The following AUTS2 variants were observed in gnomAD, a reference collection of about 807,000 sequenced individuals.
AUTS2 encodes autism susceptibility gene 2 protein.
Under a neutral mutation model 112.4 loss-of-function variants are expected in AUTS2, and 17 were observed. That is an observed-to-expected ratio of 0.15 (90% confidence interval 0.10 to 0.23). The LOEUF (loss-of-function observed/expected upper bound fraction) is 0.23. Ranked by LOEUF, AUTS2 falls within the 10% of genes least tolerant of loss-of-function variation. The pLI is 1.00. For synonymous variants in AUTS2, 751 were observed against 702.7 expected (o/e 1.07, Z -1.09); for missense variants, 1,510 against 1,701.6 (o/e 0.89, Z 1.98).
At chr7:70,671,852 A>G (rs1045830296) in intron 5 of AUTS2, among the ~76,000 whole-genome samples, 2 of 152,204 alleles carry the variant, frequency 1.3e-5, no homozygotes, top group South Asian at 2.1e-4. Context: ...CCTGTTTGCA[A>G]CCTTTGCTTA....
At chr7:70,166,989 T>C (rs1020581221) in intron 4 of AUTS2, among the ~76,000 whole-genome samples, 5 of 152,136 alleles carry the variant, frequency 3.3e-5, no homozygotes, top group African/African-American at 1.2e-4. Flanking sequence ...CTGAGCACTT[T>C]AGAAGTCGGC....
chr7:70,674,169 G>A (rs900290298), intron 5 of AUTS2, among the ~76,000 whole-genome samples: 1 of 152,212 alleles, frequency 6.6e-6, no homozygotes, highest in African/African-American at 2.4e-5. Context: ...TGCTAAAGGG[G>A]CGGTGGGGGA....
At chr7:70,326,917 CTTTTT>C (rs552893729) in intron 4 of AUTS2, among the ~76,000 whole-genome samples, 1 of 120,684 alleles carries the variant, frequency 8.3e-6, no homozygotes, top group Non-Finnish European at 1.6e-5. Context: ...ATGCTTGGTT[CTTTTT>C]TTTTTTTTTT....
intron 4 of AUTS2, among the ~76,000 whole-genome samples, chr7:70,355,015 TGTGTGTGTGTATGG>T (rs1265848510): frequency 4.6e-5 from 7 of 150,732 alleles, no homozygotes; most frequent in South Asian, 2.1e-4. Flanking sequence ...TGTGTATGTA[TGTGTGTGTGTATGG>T]GTGTGTGTGT....
intron 1 of AUTS2, among the ~76,000 whole-genome samples, chr7:69,802,266 C>T (rs1044529290): frequency 2.0e-5 from 3 of 152,160 alleles, no homozygotes; most frequent in Non-Finnish European, 4.4e-5. Context: ...AAAAGCCTGT[C>T]TTTTCCTTTT....
chr7:69,876,364 ATATATATATATATATATATG>A (rs1793772363), intron 1 of AUTS2, among the ~76,000 whole-genome samples: 2 of 114,394 alleles, frequency 1.7e-5, no homozygotes, highest in Non-Finnish European at 3.5e-5. Flanking sequence ...ATATATATAT[ATATATATATATATATATATG>A]TATATATAAT....
chr7:69,922,052 G>A (rs959039740), intron 2 of AUTS2, among the ~76,000 whole-genome samples: 2 of 151,848 alleles, frequency 1.3e-5, no homozygotes, highest in African/African-American at 4.8e-5. Flanking sequence ...CAACAAGAGT[G>A]AAACTCTGTC....
intron 2 of AUTS2, among the ~76,000 whole-genome samples, chr7:69,989,708 T>A (rs1163936423): frequency 6.6e-6 from 1 of 152,156 alleles, no homozygotes; most frequent in Non-Finnish European, 1.5e-5. Flanking sequence ...AGAGTACATC[T>A]GTTTTCCCTA....
At chr7:70,610,681 C>T (rs1004567272) in intron 5 of AUTS2, among the ~76,000 whole-genome samples, 1 of 151,976 alleles carries the variant, frequency 6.6e-6, no homozygotes, top group African/African-American at 2.4e-5. Flanking sequence ...TAGTGGCCGT[C>T]CTAACAAGTA....
chr7:70,515,575 G>T (rs1799381870), intron 5 of AUTS2, among the ~76,000 whole-genome samples: 1 of 152,116 alleles, frequency 6.6e-6, no homozygotes. Flanking sequence ...ATGATGTCCA[G>T]TTAGATTTCC....
intron 5 of AUTS2, among the ~76,000 whole-genome samples, chr7:70,487,059 C>T (rs544307933): frequency 1.3e-5 from 2 of 151,992 alleles, no homozygotes; most frequent in South Asian, 4.2e-4. Flanking sequence ...TGAGGACAGC[C>T]CCTCCCTATT....
chr7:70,100,537 T>G (rs1400596430), intron 2 of AUTS2, among the ~76,000 whole-genome samples: 10 of 152,006 alleles, frequency 6.6e-5, no homozygotes, highest in Admixed American at 6.6e-4. Context: ...CATCACCTCA[T>G]CATTTACATT....
intron 4 of AUTS2, among the ~76,000 whole-genome samples, chr7:70,204,064 T>A (rs973321325): frequency 6.6e-6 from 1 of 151,992 alleles, no homozygotes; most frequent in Non-Finnish European, 1.5e-5. Context: ...TAAAATAACA[T>A]CAGTTATTTT....
At chr7:70,602,259 T>TA (rs1803512647) in intron 5 of AUTS2, among the ~76,000 whole-genome samples, 1 of 152,210 alleles carries the variant, frequency 6.6e-6, no homozygotes, top group African/African-American at 2.4e-5. Flanking sequence ...CCATCTAACT[T>TA]ACAAAGTGCT....
At chr7:70,583,903 A>G (rs545967325) in intron 5 of AUTS2, among the ~76,000 whole-genome samples, 102 of 152,354 alleles carry the variant, frequency 6.7e-4, no homozygotes, top group African/African-American at 2.3e-3. Context: ...TAGCTGCAGG[A>G]TATCAGAAAC....
chr7:70,431,387 G>GT (rs890000952), intron 4 of AUTS2, among the ~76,000 whole-genome samples: 22 of 151,980 alleles, frequency 1.4e-4, no homozygotes, highest in East Asian at 5.8e-4. Flanking sequence ...CAGTAAATAT[G>GT]TTTTTTTTGT....
chr7:70,125,970 T>C (rs1261085342), intron 3 of AUTS2, among the ~76,000 whole-genome samples: 1 of 152,186 alleles, frequency 6.6e-6, no homozygotes, highest in Non-Finnish European at 1.5e-5. Flanking sequence ...GTGATATTTT[T>C]AGGAGCTTTG....
chr7:69,763,681 A>G (rs1163776980), intron 1 of AUTS2, among the ~76,000 whole-genome samples: 1 of 152,192 alleles, frequency 6.6e-6, no homozygotes, highest in East Asian at 1.9e-4. Flanking sequence ...GCATCTGTAA[A>G]GTGAAGATAA....
chr7:70,471,093 A>G (rs1469482049), intron 5 of AUTS2, among the ~76,000 whole-genome samples: 1 of 152,214 alleles, frequency 6.6e-6, no homozygotes, highest in Non-Finnish European at 1.5e-5. Context: ...CCAGCAGCCC[A>G]CTGGATATGT....
Sources: gnomAD v4.1 joint callset for allele counts (sites outside exome capture counted in the v4.1 genomes callset) on GRCh38, gnomAD v4.1.1 for gene constraint, MANE v1.5 for transcripts, NCBI Gene and HGNC (gene_info 2026-07-23, HGNC 2026-07-21) for gene names.